Variants in DMXL1 observed in about 807,000 individuals in gnomAD.
DMXL1 encodes Dmx like 1, also known as dmX-like protein 1.
In DMXL1, 99 loss-of-function variants were observed where a neutral mutation model predicts 319.2. The observed-to-expected ratio is 0.31, with a 90% CI of 0.26 to 0.37. The LOEUF (loss-of-function observed/expected upper bound fraction) is 0.37. DMXL1 is among the 10% of genes least tolerant of loss of function. The probability of loss-of-function intolerance (pLI) is 1.00; values close to 1 mark genes in which losing one functional copy is unlikely to be tolerated. For missense variants in DMXL1, 3,745 were observed against 3,595.6 expected (o/e 1.04, Z -1.06); for synonymous variants, 1,385 against 1,235.2 (o/e 1.12, Z -2.54).
chr5:119,146,787 T>C (rs1202289920), intron 15 of DMXL1, 50 bp from the exon 16 acceptor site: 8 of 1,498,970 alleles, frequency 5.3e-6, no homozygotes, highest in Non-Finnish European at 7.1e-6. Context: ...GTTTAGCAAG[T>C]TGTCTCTTTT....
chr5:119,147,099 G>A, intron 16 of DMXL1, 143 bp downstream of exon 16: 3 of 1,173,340 alleles, frequency 2.6e-6, no homozygotes, highest in Non-Finnish European at 3.6e-6. Context: ...AATTCAAAAA[G>A]CTTTTCTTAT....
At position 119,156,929 on chromosome 5, in the gene DMXL1, A is replaced by G. The variant is rs554072487; in HGVS notation, c.4702+4893A>G. Among the ~76,000 whole-genome samples the G allele has an allele frequency of 2.0e-5, 3 of 151,454 alleles. No homozygotes were observed. The East Asian group carries it at 5.8e-4, about 29-fold the overall frequency. On this transcript the variant is annotated intron_variant, in intron 19 of 43. Transcript: ENST00000539542. ...ATTTGCATTTTCCTGATGATTATAGATATCAAGCGCTTTTTTCATTTATCT... is the reference window on the plus strand; with the variant it reads ...ATTTGCATTTTCCTGATGATTATAGGTATCAAGCGCTTTTTTCATTTATCT...
chr5:119,102,689 G>A (rs1757517098), intron 3 of DMXL1, among the ~76,000 whole-genome samples: 6 of 152,304 alleles, frequency 3.9e-5, no homozygotes, highest in Non-Finnish European at 5.9e-5. Context: ...CACCTGCTCA[G>A]GAGGCTGAGA....
intron 19 of DMXL1, among the ~76,000 whole-genome samples, chr5:119,158,073 A>T (rs546510687): frequency 1.6e-3 from 242 of 152,012 alleles, no homozygotes; most frequent in Non-Finnish European, 2.4e-3. Flanking sequence ...TTTTGTTTTT[A>T]ATGAGATGGG....
chr5:119,132,988 G>T, intron 10 of DMXL1, 144 bp from the exon 11 acceptor site: 1 of 722,088 alleles, frequency 1.4e-6, no homozygotes, highest in Non-Finnish European at 2.3e-6. Context: ...GTAGGGTGAG[G>T]TGTGGCGGAA....
intron 19 of DMXL1, among the ~76,000 whole-genome samples, chr5:119,157,474 T>C (rs80195359): frequency 0.028 from 4,239 of 152,328 alleles, 184 homozygotes; most frequent in African/African-American, 0.096. Context: ...CTTAAGTATT[T>C]AATCCATTTT....
chr5:119,248,819 C>T lies in DMXL1; in HGVS notation c.*1600C>T, dbSNP rs974912189. On this transcript the variant is annotated 3_prime_UTR_variant, in exon 44 of 44. Transcript: ENST00000539542. Reference sequence around the variant, plus strand: ...CACATAATAACCTGTACCTATAAATCGTGCAATAACCATATGCGACTATTT... The same window carrying T: ...CACATAATAACCTGTACCTATAAATTGTGCAATAACCATATGCGACTATTT... 3 of 152,424 alleles carry T rather than the reference C, an allele frequency of 2.0e-5. No individual in the cohort carries two copies. The highest frequency in any genetic ancestry group is 4.8e-5 in the African/African-American group (2 of 41,412). The allele number at this position is 152,424 out of a possible 1,614,324, so 9.4% of individuals were successfully genotyped here.
rs1397777203 is a variant in DMXL1 at position 119,089,380 on chromosome 5, A to G, written c.88-8599A>G. 3.0e-5 allele frequency among the ~76,000 whole-genome samples: 4 copies of G among 132,620 alleles called. No individual in the cohort carries two copies. The South Asian group carries it at 9.8e-4, about 32-fold the overall frequency. The allele number at this position is 132,620 out of a possible 152,430, so 87.0% of individuals were successfully genotyped here. A position where few individuals can be genotyped will look rare whatever the true frequency, so the allele number is the denominator to read the frequency against. On this transcript the variant is annotated intron_variant, in intron 1 of 43. Coordinates refer to ENST00000539542, the MANE Select transcript of DMXL1 (RefSeq NM_001290321.3). ...GAGTGCAGTGGCACGATCTCAGCTC[A>G]CTGCAACCTCTGCCTCCTGGGTTCA... is the stretch of plus-strand genomic sequence containing the variant.
intron 1 of DMXL1, among the ~76,000 whole-genome samples, chr5:119,078,609 T>C (rs1274078158): frequency 3.3e-5 from 5 of 152,242 alleles, no homozygotes; most frequent in Admixed American, 6.5e-5. Context: ...TGCCACACCA[T>C]GCCCAGCTAA....
At chr5:119,124,220 C>A (rs1265449013) in intron 9 of DMXL1, among the ~76,000 whole-genome samples, 1 of 150,124 alleles carries the variant, frequency 6.7e-6, no homozygotes, top group African/African-American at 2.5e-5. Context: ...GAGGCTGGGG[C>A]AGGAGAATTG....
intron 17 of DMXL1, among the ~76,000 whole-genome samples, chr5:119,147,895 C>T (rs908384112): frequency 2.1e-4 from 32 of 152,146 alleles, no homozygotes; most frequent in African/African-American, 7.5e-4. Flanking sequence ...GCAGCATCAG[C>T]GTCCTGGAAA....
Position 119,240,400 on chromosome 5 carries a change from TC to T in DMXL1, c.8652-18del, listed in dbSNP as rs2150736208. The T allele has an allele frequency of 6.5e-7, 1 of 1,534,798 alleles. No homozygotes were observed. Among genetic ancestry groups the T allele is most frequent in the Non-Finnish European group, 8.9e-7 (1 of 1,118,518 alleles). ...TAGCTTTTGTGTCACTCAGAAGTAA[TC>T]TTTTTTTTTTTTTCCAGAAACGTAT... On this transcript the variant is annotated intron_variant, in intron 41 of 43. Coordinates refer to ENST00000539542, the MANE Select transcript of DMXL1 (RefSeq NM_001290321.3).
chr5:119,093,707 A>G (rs1202452071), intron 1 of DMXL1, among the ~76,000 whole-genome samples: 1 of 152,232 alleles, frequency 6.6e-6, no homozygotes, highest in African/African-American at 2.4e-5. Context: ...CTATTGTGCT[A>G]GTTAGCTGTT....
rs1475459425 is a variant in DMXL1 at position 119,247,828 on chromosome 5, G to GTA, written c.*611_*612dup. 1 of 151,874 alleles carries GTA rather than the reference G, an allele frequency of 6.6e-6. No individual in the cohort carries two copies. The highest frequency in any genetic ancestry group is 1.5e-5 in the Non-Finnish European group (1 of 67,980). 9.4% of individuals were successfully genotyped at this position (151,874 alleles called of 1,614,324 possible). Reference sequence around the variant, plus strand: ...TACGTGTGTGTGTGTGTGTGTGTGTGTATCTTACACATCTTATTTGAACTT... The same window carrying GTA: ...TACGTGTGTGTGTGTGTGTGTGTGTGTATATCTTACACATCTTATTTGAACTT... On this transcript the variant is annotated 3_prime_UTR_variant, in exon 44 of 44. Transcript: ENST00000539542.
chr5:119,099,087 G>C (rs1269116525), intron 2 of DMXL1, among the ~76,000 whole-genome samples: 1 of 151,800 alleles, frequency 6.6e-6, no homozygotes, highest in East Asian at 1.9e-4. Context: ...TATAGTTACA[G>C]GTGTCCTCTA....
At chr5:119,215,161 C>G (rs1404943266) in intron 34 of DMXL1, among the ~76,000 whole-genome samples, 2 of 152,154 alleles carry the variant, frequency 1.3e-5, no homozygotes, top group African/African-American at 4.8e-5. Flanking sequence ...TGAAATTCTT[C>G]CTAAGCAAGT....
Position 119,171,130 on chromosome 5 carries a change from A to T in DMXL1, c.6339A>T (p.Arg2113Ser). Residue 2113 changes from arginine to serine, a missense_variant, in exon 24 of 44, where the codon AGA becomes AGT. By Grantham distance (110) the Arg-to-Ser change is moderately radical. This residue lies in a region of DMXL1 where 1,382 missense variants were observed against 1,269.5 expected (regional missense o/e 1.09). Transcript: ENST00000539542. ...LPHQTKVKQL[R>S]ENFQEKRQWL... is the part of the protein sequence containing the mutation. The stretch of plus-strand genomic sequence containing the variant: ...ACCAAACAAAAGTGAAACAACTGAG[A>T]GAAAATTTTCAGGAAAAAAGACAGT... 1 of 1,614,008 alleles carries T rather than the reference A, an allele frequency of 6.2e-7. No homozygotes were observed. Among genetic ancestry groups the T allele is most frequent in the South Asian group, 1.1e-5 (1 of 91,074 alleles).
In DMXL1 at chr5:119,150,080, G is replaced by C; in HGVS notation, c.4253G>C (p.Ser1418Thr). The C allele has an allele frequency of 6.2e-7, 1 of 1,613,680 alleles. No individual in the cohort carries two copies. Residue 1418 changes from serine (S) to threonine (T), a missense_variant, in exon 18 of 44, where the codon AGC (serine) becomes ACC (threonine). Around this residue, in one of 4 missense-constraint regions of DMXL1, gnomAD observed 2,096 missense variants for 1,985.4 expected, o/e 1.06. Transcript: ENST00000539542. ...LYALLAADDD[S>T]CYSSLEKSSN... ...GCCTTACTTGCAGCAGATGATGATAGCTGTTACTCATCTTTGGAGAAATCT... is the reference window on the plus strand; with the variant it reads ...GCCTTACTTGCAGCAGATGATGATACCTGTTACTCATCTTTGGAGAAATCT...
intron 38 of DMXL1, among the ~76,000 whole-genome samples, chr5:119,229,512 A>G (rs918241315): frequency 8.6e-5 from 13 of 151,972 alleles, no homozygotes; most frequent in African/African-American, 3.1e-4. Context: ...TCTTACACAA[A>G]CCCTGTATAG....
Sources: allele counts gnomAD v4.1 joint callset (sites outside exome capture counted in the v4.1 genomes callset), GRCh38; gene constraint gnomAD v4.1.1; regional missense constraint gnomAD v4.1.1; transcripts MANE v1.5; gene names NCBI Gene and HGNC (gene_info 2026-07-23, HGNC 2026-07-21).